DDX19A: variants seen among roughly 807,000 people sequenced by gnomAD.
DDX19A encodes ATP-dependent RNA helicase DDX19A.
A neutral mutation model predicts 60.6 loss-of-function variants in DDX19A; 12 were observed. That is an observed-to-expected ratio of 0.20 (90% CI 0.13 to 0.32). The LOEUF (loss-of-function observed/expected upper bound fraction) is 0.32, where lower values mean the gene tolerates loss of function less well. Ranked by LOEUF, DDX19A falls within the 10% of genes least tolerant of loss-of-function variation. The pLI, the probability that DDX19A is intolerant of heterozygous loss-of-function variation, is 1.00. For missense variants in DDX19A, 337 were observed against 600.6 expected (o/e 0.56, Z 4.59); for synonymous variants, 206 against 218.2 (o/e 0.94, Z 0.49).
intron 2 of DDX19A, 106 bp from the exon 3 acceptor site, chr16:70,355,379 A>G: frequency 1.1e-6 from 1 of 921,754 alleles, no homozygotes; most frequent in South Asian, 1.5e-5. Context: ...TCCGTCTGAA[A>G]AATAAAAAAA....
chr16:70,362,310 A>C (rs1295890865), intron 5 of DDX19A, among the ~76,000 whole-genome samples: 1 of 147,280 alleles, frequency 6.8e-6, no homozygotes, highest in Non-Finnish European at 1.5e-5. Context: ...ATGCCACTGC[A>C]CTCTAGCCTG....
At chr16:70,362,177 A>T (rs1964381452) in intron 5 of DDX19A, among the ~76,000 whole-genome samples, 1 of 150,846 alleles carries the variant, frequency 6.6e-6, no homozygotes. Context: ...GTCTCAAAAA[A>T]AAAAAAAAAC....
intron 9 of DDX19A, among the ~76,000 whole-genome samples, chr16:70,368,421 C>T (rs1167086704): frequency 6.6e-6 from 1 of 151,808 alleles, no homozygotes; most frequent in Admixed American, 6.6e-5. Context: ...TACCAGCGCC[C>T]GCCATCATGC....
intron 4 of DDX19A, chr16:70,356,801 A>G: frequency 1.9e-6 from 2 of 1,052,266 alleles, no homozygotes; most frequent in East Asian, 6.1e-5. Context: ...AATGCTTCAA[A>G]TTGATTTATC....
chr16:70,346,989 AC>A lies in DDX19A; in HGVS notation c.-2del, dbSNP rs1963850383. The A allele has an allele frequency of 6.2e-7, 1 of 1,612,058 alleles. No homozygotes were observed. The highest frequency in any genetic ancestry group is 1.1e-5 in the South Asian group (1 of 90,692). On this transcript the variant is annotated 5_prime_UTR_variant, in exon 1 of 12. Coordinates refer to ENST00000302243, the MANE Select transcript of DDX19A (RefSeq NM_018332.5). ...CACAAGTGGGTCTCCCTTGTCCGGG[AC>A]TATGGCCACCGACTCGTGGGCCCTG...
intron 2 of DDX19A, among the ~76,000 whole-genome samples, chr16:70,353,471 C>G (rs1376811016): frequency 6.6e-6 from 1 of 152,120 alleles, no homozygotes; most frequent in South Asian, 2.1e-4. Flanking sequence ...TGGCTCATGC[C>G]TGTAATCCCA....
chr16:70,359,331 T>A (rs1197493764), intron 4 of DDX19A, among the ~76,000 whole-genome samples: 1 of 152,188 alleles, frequency 6.6e-6, no homozygotes, highest in Non-Finnish European at 1.5e-5. Context: ...TGAAAGATTA[T>A]GTTTTTAAAT....
At chr16:70,351,445 G>A (rs755558421) in intron 2 of DDX19A, among the ~76,000 whole-genome samples, 4 of 151,912 alleles carry the variant, frequency 2.6e-5, no homozygotes, top group East Asian at 3.9e-4. Context: ...GAGCTCAAGC[G>A]ATCTGCCTGC....
intron 5 of DDX19A, among the ~76,000 whole-genome samples, chr16:70,362,067 C>G (rs1431338636): frequency 6.6e-6 from 1 of 150,982 alleles, no homozygotes; most frequent in African/African-American, 2.4e-5. Context: ...CCCAGCTACT[C>G]AGGAGGCTAA....
rs1292372676 is a variant in DDX19A at position 70,370,230 on chromosome 16, A to G, written c.1028A>G (p.Lys343Arg). 1.9e-6 allele frequency: 3 copies of G among 1,607,050 alleles called. No individual in the cohort carries two copies. The highest frequency in any genetic ancestry group is 1.1e-5 in the South Asian group (1 of 90,408). Reference protein sequence around the residue: ...AQAMIFCHTRKTASWLAAELS... With the variant: ...AQAMIFCHTRRTASWLAAELS... ...TTGTTTTTTTTCTTCCAGACTCGCA[A>G]AACAGCTAGTTGGCTGGCAGCAGAG... The change falls in exon 10 of 12, where the codon AAA (lysine) becomes AGA (arginine). Residue 343 changes from lysine (K) to arginine (R), a missense_variant. Physicochemically the swap from Lys to Arg is conservative, Grantham distance 26 (BLOSUM62 2). Transcript: ENST00000302243.
At chr16:70,352,346 G>A (rs1305986036) in intron 2 of DDX19A, among the ~76,000 whole-genome samples, 3 of 148,332 alleles carry the variant, frequency 2.0e-5, no homozygotes, top group Middle Eastern at 3.4e-3. Context: ...GTGCAGTGGT[G>A]CAATCTTGGC....
chr16:70,369,232 T>G (rs1176649061), intron 9 of DDX19A, among the ~76,000 whole-genome samples: 1 of 136,882 alleles, frequency 7.3e-6, no homozygotes, highest in East Asian at 2.1e-4. Context: ...CAGGCTGGAG[T>G]GCAATGGCAT....
At chr16:70,369,272 C>T (rs760179133) in intron 9 of DDX19A, among the ~76,000 whole-genome samples, 15 of 149,634 alleles carry the variant, frequency 1.0e-4, no homozygotes, top group African/African-American at 1.5e-4. Context: ...CTCTGCCTCC[C>T]GGGTTCAAGC....
chr16:70,347,786 G>C (rs553060544), intron 1 of DDX19A: 90 of 217,276 alleles, frequency 4.1e-4, no homozygotes, highest in Non-Finnish European at 7.5e-4. Context: ...CGCCTCCCGG[G>C]TTCAAGCGAT....
At chr16:70,364,307 T>C (rs964412038) in intron 5 of DDX19A, 2 of 489,948 alleles carry the variant, frequency 4.1e-6, no homozygotes, top group African/African-American at 3.9e-5. Context: ...TGCTAGAGGC[T>C]AGAATGAGAA....
chr16:70,372,045 C>G lies in DDX19A; in HGVS notation c.*59C>G. 1 of 1,613,160 alleles carries G rather than the reference C, an allele frequency of 6.2e-7. No individual in the cohort carries two copies. Among genetic ancestry groups the G allele is most frequent in the East Asian group, 2.2e-5 (1 of 44,884 alleles). ...ACTGCCCCTGCACAGGAGACAAGTG[C>G]ATTTAGGGCACAGGCCCCGACATCA... On this transcript the variant is annotated 3_prime_UTR_variant, in exon 12 of 12. Coordinates refer to ENST00000302243, the MANE Select transcript of DDX19A (RefSeq NM_018332.5).
intron 1 of DDX19A, among the ~76,000 whole-genome samples, chr16:70,349,215 C>A (rs866271101): frequency 3.5e-4 from 53 of 152,160 alleles, no homozygotes; most frequent in African/African-American, 1.1e-3. Context: ...CCAATGGAGT[C>A]CACAGAGTGT....
intron 9 of DDX19A, 30 bp from the exon 10 acceptor site, chr16:70,370,193 T>G: frequency 6.2e-7 from 1 of 1,602,638 alleles, no homozygotes; most frequent in Non-Finnish European, 8.5e-7. Flanking sequence ...CTCAAATACT[T>G]TCATTTCTCA....
chr16:70,361,238 G>A (rs904363450), intron 4 of DDX19A, among the ~76,000 whole-genome samples, 180 bp from the exon 5 acceptor site: 1 of 152,202 alleles, frequency 6.6e-6, no homozygotes, highest in Non-Finnish European at 1.5e-5. Context: ...ATTCCTTAGG[G>A]AAGGGCGGTA....
Sources: allele counts gnomAD v4.1 joint callset (sites outside exome capture counted in the v4.1 genomes callset), GRCh38; gene constraint gnomAD v4.1.1; transcripts MANE v1.5; gene names NCBI Gene and HGNC (gene_info 2026-07-23, HGNC 2026-07-21).